SPIRE2: variants seen among roughly 807,000 people sequenced by gnomAD.
SPIRE2 encodes the protein protein spire homolog 2.
A neutral mutation model predicts 80.7 loss-of-function variants in SPIRE2; 76 were observed. The ratio of observed to expected loss-of-function variants is 0.94; its 90% CI spans 0.78 to 1.14. The LOEUF (loss-of-function observed/expected upper bound fraction) is 1.14, where lower values mean the gene tolerates loss of function less well. Among genes scored for constraint, SPIRE2 ranks in the 50% most tolerant of loss-of-function variants. The pLI is 0.00. For missense variants in SPIRE2, 1,196 were observed against 1,015.3 expected, an observed-to-expected ratio of 1.18 and a Z score of -2.42; for synonymous variants, 535 against 432.6, an observed-to-expected ratio of 1.24 and a Z score of -2.94.
At chr16:89,848,783 C>A (rs943579924) in intron 2 of SPIRE2, among the ~76,000 whole-genome samples, 10 of 149,412 alleles carry the variant, frequency 6.7e-5, no homozygotes, top group Admixed American at 5.3e-4. Context: ...GGTTCCAGGA[C>A]CTTCTGTGGT....
In SPIRE2 at chr16:89,842,428, G is replaced by A. The variant is rs1358088582; in HGVS notation, c.245-2894G>A. 6.6e-5 allele frequency among the ~76,000 whole-genome samples: 10 copies of A among 151,794 alleles called. No homozygotes were observed. In the South Asian group the frequency reaches 1.2e-3, roughly 19 times the overall value. On this transcript the variant is annotated intron_variant, in intron 1 of 14. Transcript: ENST00000378247. ...GGGTTTTGCCATGTTGGCCAGACTGGTCTTGAACTCCTGACCTCAGGTGAT... is the reference window on the plus strand; with the variant it reads ...GGGTTTTGCCATGTTGGCCAGACTGATCTTGAACTCCTGACCTCAGGTGAT...
chr16:89,850,646 C>G lies in SPIRE2; in HGVS notation c.631C>G (p.Arg211Gly). The change falls in exon 3 of 15, where the codon CGG becomes GGG. Residue 211 changes from arginine (R) to glycine (G), a missense_variant. By Grantham distance (125) the Arg-to-Gly change is moderately radical (BLOSUM62 -2). Coordinates refer to ENST00000378247, the MANE Select transcript of SPIRE2 (RefSeq NM_032451.2). ...GCTGCGGGCCTTCCTGGCCAGGGTC[C>G]GGGAGGCCAAGGAGGTGAGCGGTGG... Reference protein sequence around the residue: ...LELRAFLARVREAKEMLQKLR... With the variant: ...LELRAFLARVGEAKEMLQKLR... The G allele has an allele frequency of 8.0e-7, 1 of 1,247,902 alleles. No homozygotes were observed. Among genetic ancestry groups the G allele is most frequent in the South Asian group, 1.3e-5 (1 of 75,992 alleles). The allele number at this position is 1,247,902 out of a possible 1,614,324, so 77.3% of individuals were successfully genotyped here. A position where few individuals can be genotyped will look rare whatever the true frequency, so the allele number is the denominator to read the frequency against.
chr16:89,838,854 C>T (rs376136755), intron 1 of SPIRE2, among the ~76,000 whole-genome samples: 30 of 152,126 alleles, frequency 2.0e-4, no homozygotes, highest in African/African-American at 6.5e-4. Flanking sequence ...GGGTTTTCTC[C>T]GCACAAAGGG....
intron 3 of SPIRE2, among the ~76,000 whole-genome samples, chr16:89,853,524 T>A (rs1207057020): frequency 6.6e-6 from 1 of 152,094 alleles, no homozygotes; most frequent in East Asian, 1.9e-4. Flanking sequence ...TGGGCTGGCA[T>A]ACATGAGGCC....
intron 1 of SPIRE2, among the ~76,000 whole-genome samples, chr16:89,832,654 A>G (rs547668983): frequency 4.6e-5 from 7 of 152,070 alleles, no homozygotes; most frequent in East Asian, 1.9e-4. Flanking sequence ...CCCTGCTTCT[A>G]TTGCACCCTG....
At chr16:89,831,798 C>G (rs1468135659) in intron 1 of SPIRE2, among the ~76,000 whole-genome samples, 2 of 151,290 alleles carry the variant, frequency 1.3e-5, no homozygotes, top group South Asian at 2.1e-4. Flanking sequence ...TGCCCCTCCC[C>G]CTTCTGCCCG....
At position 89,859,344 on chromosome 16, in the gene SPIRE2, C is replaced by G. The variant is rs751600564; in HGVS notation, c.1452C>G (p.Ser484=). 6.4e-7 allele frequency: 1 copy of G among 1,566,894 alleles called. No individual in the cohort carries two copies. Among genetic ancestry groups the G allele is most frequent in the Admixed American group, 1.8e-5 (1 of 56,796 alleles). ...GTGCGCATGTGTGGAGGCCCGGCTC[C>G]CGAGACCAGGGCAAGTGCTGCTTCT... ...AGSAHVWRPG[S]RDQGTCPASV... The change falls in exon 9 of 15, where the codon TCC becomes TCG. Residue 484 remains serine, a synonymous_variant. Coordinates refer to ENST00000378247, the MANE Select transcript of SPIRE2 (RefSeq NM_032451.2).
chr16:89,854,513 G>T lies in SPIRE2; in HGVS notation c.753G>T (p.Arg251=), dbSNP rs1399547272. ...DWARLWVQLM[R]ELRRGVKLKK... ...CCCGACTGTGGGTTCAGCTCATGCG[G>T]GAGCTCCGCCGCGGAGTGAAGCTGA... is the stretch of plus-strand genomic sequence containing the variant. The change falls in exon 5 of 15, where the codon CGG becomes CGT. Residue 251 remains arginine (R), a synonymous_variant. Coordinates refer to ENST00000378247, the MANE Select transcript of SPIRE2 (RefSeq NM_032451.2). The T allele has an allele frequency of 4.3e-6, 7 of 1,612,662 alleles. No individual in the cohort carries two copies. The highest frequency in any genetic ancestry group is 5.9e-6 in the Non-Finnish European group (7 of 1,179,868).
chr16:89,852,642 CTCT>C (rs1349836399), intron 3 of SPIRE2, among the ~76,000 whole-genome samples: 1 of 53,792 alleles, frequency 1.9e-5, no homozygotes, highest in Non-Finnish European at 4.1e-5. Context: ...TCCGTCCTCC[CTCT>C]CACCCCCCGG....
chr16:89,871,111 C>G lies in SPIRE2; in HGVS notation c.*839C>G, dbSNP rs962395244. On this transcript the variant is annotated 3_prime_UTR_variant, in exon 15 of 15. Coordinates refer to ENST00000378247, the MANE Select transcript of SPIRE2 (RefSeq NM_032451.2). ...GAAAAAAAAAAAGGTCCGTGCCAAG[C>G]TGCTCCCTGCCCTTGCCCTTTCCCT... The G allele has an allele frequency of 6.6e-6, 1 of 150,598 alleles. No individual in the cohort carries two copies. Among genetic ancestry groups the G allele is most frequent in the Non-Finnish European group, 1.5e-5 (1 of 68,352 alleles). 9.3% of individuals were successfully genotyped at this position (150,598 alleles called of 1,614,324 possible).
chr16:89,866,945 C>G (rs2041795032), intron 12 of SPIRE2, among the ~76,000 whole-genome samples: 1 of 151,972 alleles, frequency 6.6e-6, no homozygotes, highest in Non-Finnish European at 1.5e-5. Flanking sequence ...TTTTTGAAAT[C>G]AGATATGGGA....
intron 1 of SPIRE2, among the ~76,000 whole-genome samples, chr16:89,833,091 A>G (rs2041403195): frequency 6.6e-6 from 1 of 151,458 alleles, no homozygotes; most frequent in African/African-American, 2.4e-5. Flanking sequence ...CCCCAGGTTC[A>G]AGTGATTCTC....
chr16:89,864,696 G>A (rs1204239624), intron 12 of SPIRE2, among the ~76,000 whole-genome samples: 1 of 152,208 alleles, frequency 6.6e-6, no homozygotes, highest in Non-Finnish European at 1.5e-5. Context: ...CTAACGTGGA[G>A]TAAGTAGCCC....
Position 89,863,594 on chromosome 16 carries a change from G to T in SPIRE2, c.1694G>T (p.Ser565Ile). The change falls in exon 11 of 15, where the codon AGT becomes ATT. Residue 565 changes from serine to isoleucine, a missense_variant. Physicochemically the swap from Ser to Ile is moderately radical, Grantham distance 142. Transcript: ENST00000378247. This position sits in a 1 kb window ranked among gnomAD's most constrained non-coding sequence, Gnocchi z 4.3. ...TTGCAGAACAAGGAGCTCTTCAGCAGTCTGAAGAAGGGGAAGGTGAGGCTG... is the reference window on the plus strand; with the variant it reads ...TTGCAGAACAAGGAGCTCTTCAGCATTCTGAAGAAGGGGAAGGTGAGGCTG... ...KFLQNKELFS[S>I]LKKGKICCCC... 1.2e-6 allele frequency: 2 copies of T among 1,614,142 alleles called. No homozygotes were observed. The highest frequency in any genetic ancestry group is 1.7e-6 in the Non-Finnish European group (2 of 1,180,034).
chr16:89,858,338 G>A lies in SPIRE2; in HGVS notation c.1103G>A (p.Gly368Glu), dbSNP rs200000330. The A allele has an allele frequency of 1.6e-5, 26 of 1,592,548 alleles. No homozygotes were observed. The highest frequency in any genetic ancestry group is 2.0e-5 in the Non-Finnish European group (23 of 1,169,926). The change falls in exon 8 of 15, where the codon GGG (glycine) becomes GAG (glutamate). Residue 368 changes from glycine to glutamate, a missense_variant and splice_region_variant. By Grantham distance (98) the Gly-to-Glu change is moderately conservative. Coordinates refer to ENST00000378247, the MANE Select transcript of SPIRE2 (RefSeq NM_032451.2). Reference protein sequence around the residue: ...PVRGEGWAARGFGSLPCILNA... With the variant: ...PVRGEGWAAREFGSLPCILNA... ...CCTGCCTCGGCTCCCGTCTCCCCAG[G>A]GTTTGGCTCTCTGCCCTGCATCCTC...
At chr16:89,865,837 G>A (rs928817648) in intron 12 of SPIRE2, among the ~76,000 whole-genome samples, 12 of 151,732 alleles carry the variant, frequency 7.9e-5, no homozygotes, top group Non-Finnish European at 1.3e-4. Context: ...GCGTGGTGGC[G>A]GGTGCCTGTA....
At chr16:89,859,555 T>C (rs2041723886) in intron 9 of SPIRE2, among the ~76,000 whole-genome samples, 4 of 152,184 alleles carry the variant, frequency 2.6e-5, no homozygotes, top group African/African-American at 9.6e-5. Context: ...AATGCATATT[T>C]ATTATAAAAA....
At chr16:89,842,705 G>T (rs1176791319) in intron 1 of SPIRE2, among the ~76,000 whole-genome samples, 1 of 152,240 alleles carries the variant, frequency 6.6e-6, no homozygotes, top group African/African-American at 2.4e-5. Context: ...GCCCTGGTCT[G>T]TTCCAGGGAG....
Position 89,828,485 on chromosome 16 carries a change from T to A in SPIRE2, c.-66T>A. On this transcript the variant is annotated 5_prime_UTR_variant, in exon 1 of 15. Transcript: ENST00000378247. The surrounding 1 kb of genome is among the most constrained non-coding windows in gnomAD (Gnocchi z 5.9). ...CGGGGCGGGGCGGCCAGGCTGACCC[T>A]GCGCGGCGGAAGGCGCGGCTGCATG... 1 of 982,754 alleles carries A rather than the reference T, an allele frequency of 1.0e-6. No homozygotes were observed. The highest frequency in any genetic ancestry group is 1.2e-6 in the Non-Finnish European group (1 of 829,850). 60.9% of individuals were successfully genotyped at this position (982,754 alleles called of 1,614,324 possible). A position where few individuals can be genotyped will look rare whatever the true frequency, so the allele number is the denominator to read the frequency against.
Sources: gnomAD v4.1 joint callset for allele counts (sites outside exome capture counted in the v4.1 genomes callset) on GRCh38, gnomAD v4.1.1 for gene constraint, Gnocchi (gnomAD v3.1) non-coding constraint, MANE v1.5 for transcripts, NCBI Gene and HGNC (gene_info 2026-07-23, HGNC 2026-07-21) for gene names.